The following SENP5 variants were observed in gnomAD, a reference collection of about 807,000 sequenced individuals.
SENP5 encodes SUMO specific peptidase 5.
In SENP5, 21 loss-of-function variants were observed where a neutral mutation model predicts 74.2. That is an observed-to-expected ratio of 0.28 (90% CI 0.20 to 0.41). The LOEUF (loss-of-function observed/expected upper bound fraction) is 0.41, where lower values mean the gene tolerates loss of function less well. Among genes scored for constraint, SENP5 ranks in the 10% least tolerant of loss-of-function variants. SENP5 has a pLI of 1.00. For missense variants in SENP5, 717 were observed against 889.1 expected (o/e 0.81, Z 2.46); for synonymous variants, 311 against 312.7 (o/e 0.99, Z 0.06).
chr3:196,877,696 G>C (rs1484145660), intron 1 of SENP5, among the ~76,000 whole-genome samples: 2 of 152,076 alleles, frequency 1.3e-5, no homozygotes, highest in Non-Finnish European at 2.9e-5. Flanking sequence ...AGTTTATAAG[G>C]TGTTTGACAA....
intron 1 of SENP5, among the ~76,000 whole-genome samples, chr3:196,869,759 CAAAAAAA>C (rs58745670): frequency 7.9e-5 from 3 of 37,982 alleles, no homozygotes; most frequent in African/African-American, 1.2e-4. Flanking sequence ...AACTCCGTCT[CAAAAAAA>C]AAAAAAAAAA....
chr3:196,907,221 C>G (rs1437432349), intron 6 of SENP5, among the ~76,000 whole-genome samples: 2 of 152,148 alleles, frequency 1.3e-5, no homozygotes, highest in East Asian at 3.9e-4. Flanking sequence ...CATCAGTAAT[C>G]CCAGCACTTT....
At chr3:196,900,471 T>C (rs1315371631) in intron 5 of SENP5, 59 bp downstream of exon 5, 15 of 1,389,186 alleles carry the variant, frequency 1.1e-5, no homozygotes, top group Non-Finnish European at 1.4e-5. Flanking sequence ...AAATGAGTAG[T>C]TTTTTTGTTT....
intron 6 of SENP5, among the ~76,000 whole-genome samples, chr3:196,922,897 G>A (rs550323161): frequency 1.6e-3 from 245 of 152,234 alleles, no homozygotes; most frequent in African/African-American, 5.7e-3. Flanking sequence ...GATTACAGGC[G>A]TGAGCCACTG....
chr3:196,918,122 C>T (rs58641481), intron 6 of SENP5, among the ~76,000 whole-genome samples: 6,028 of 151,148 alleles, frequency 0.04, 406 homozygotes, highest in African/African-American at 0.14. Context: ...CTGGCTAACA[C>T]GGTGAAACTC....
chr3:196,916,372 CA>C (rs1715376519), intron 6 of SENP5, among the ~76,000 whole-genome samples: 1 of 151,884 alleles, frequency 6.6e-6, no homozygotes, highest in South Asian at 2.1e-4. Flanking sequence ...ATGACTTCAC[CA>C]AACTAAAGGC....
chr3:196,885,516 T>G lies in SENP5; in HGVS notation c.335T>G (p.Leu112Arg), dbSNP rs763357858. 12 of 1,614,000 alleles carry G rather than the reference T, an allele frequency of 7.4e-6. No homozygotes were observed. In the East Asian group the frequency reaches 2.2e-4, roughly 30 times the overall value. Residue 112 changes from leucine (L) to arginine (R), a missense_variant, in exon 2 of 10, where the codon CTG (leucine) becomes CGG (arginine). Physicochemically the swap from Leu to Arg is moderately radical, Grantham distance 102 (BLOSUM62 -2). Around this residue, in one of 4 missense-constraint regions of SENP5, gnomAD observed 567 missense variants for 577.4 expected, o/e 0.98. Coordinates refer to ENST00000323460, the MANE Select transcript of SENP5 (RefSeq NM_152699.5). ...KHFISSSKTL[L>R]RLQAEKLLSS... ...TTCATTTCCTCCTCAAAGACTCTCC[T>G]GAGACTCCAAGCAGAGAAGCTGTTG...
At chr3:196,919,648 C>T (rs1282647016) in intron 6 of SENP5, among the ~76,000 whole-genome samples, 1 of 152,118 alleles carries the variant, frequency 6.6e-6, no homozygotes, top group Non-Finnish European at 1.5e-5. Context: ...ACAAAATTAG[C>T]TGGGTGTGGT....
intron 1 of SENP5, among the ~76,000 whole-genome samples, chr3:196,879,172 T>C (rs1713614541): frequency 6.6e-6 from 1 of 152,190 alleles, no homozygotes; most frequent in Non-Finnish European, 1.5e-5. Flanking sequence ...CCTGAATGTA[T>C]TACAGCAACC....
At position 196,910,944 on chromosome 3, in the gene SENP5, A is replaced by G. The variant is rs549326318; in HGVS notation, c.1884+7334A>G. Among the ~76,000 whole-genome samples, 27 of 152,338 alleles carry G rather than the reference A, an allele frequency of 1.8e-4. No individual in the cohort carries two copies. In the South Asian group the frequency reaches 5.2e-3, roughly 29 times the overall value. ...CACATACACAACCATCTCATCATTG[A>G]CAAACCCGACAAAAGCAATGGGGAA... On this transcript the variant is annotated intron_variant, in intron 6 of 9. Coordinates refer to ENST00000323460, the MANE Select transcript of SENP5 (RefSeq NM_152699.5).
intron 6 of SENP5, among the ~76,000 whole-genome samples, chr3:196,907,290 G>A (rs1371313480): frequency 2.6e-5 from 4 of 151,800 alleles, no homozygotes; most frequent in Admixed American, 1.3e-4. Context: ...TGGCTAACAC[G>A]GTGAAACCCC....
intron 2 of SENP5, among the ~76,000 whole-genome samples, chr3:196,892,978 G>A (rs953651588): frequency 1.3e-5 from 2 of 152,168 alleles, no homozygotes; most frequent in African/African-American, 4.8e-5. Flanking sequence ...CTTGGCTATT[G>A]TGGATAGTGC....
At chr3:196,870,243 C>T (rs1038661765) in intron 1 of SENP5, among the ~76,000 whole-genome samples, 3 of 152,180 alleles carry the variant, frequency 2.0e-5, no homozygotes, top group African/African-American at 4.8e-5. Flanking sequence ...CAGTGCTTTA[C>T]ATGTATTTTT....
At chr3:196,914,580 A>ATATATATAT (rs1346805512) in intron 6 of SENP5, 23 of 70,116 alleles carry the variant, frequency 3.3e-4, no homozygotes, top group African/African-American at 6.9e-4. Flanking sequence ...AAAAAAAAAA[A>ATATATATAT]AAAAAAATAT....
intron 7 of SENP5, among the ~76,000 whole-genome samples, chr3:196,925,167 G>T (rs919913701): frequency 1.4e-5 from 2 of 146,762 alleles, no homozygotes; most frequent in African/African-American, 2.5e-5. Context: ...CTCATTTTGC[G>T]TTTTTTTTTT....
At chr3:196,896,126 A>C (rs1256832274) in intron 2 of SENP5, among the ~76,000 whole-genome samples, 1 of 152,168 alleles carries the variant, frequency 6.6e-6, no homozygotes. Context: ...GTATATACCA[A>C]GTGCATTTTT....
intron 1 of SENP5, among the ~76,000 whole-genome samples, chr3:196,868,615 G>A (rs1431527222): frequency 6.6e-6 from 1 of 152,180 alleles, no homozygotes; most frequent in Non-Finnish European, 1.5e-5. Flanking sequence ...GGAGGGATGC[G>A]GAGAGGATGT....
rs1399258984 is a variant in SENP5, at chr3:196,932,574, CTG to C, written c.*1652_*1653del. ...ACTGTGTTTCAAGTCGTTAAAAAGA[CTG>C]AGAGTAGAGGCACTTTATGCTGCTA... is the stretch of plus-strand genomic sequence containing the variant. On this transcript the variant is annotated 3_prime_UTR_variant, in exon 10 of 10. Transcript: ENST00000323460. 1 of 152,064 alleles carries C rather than the reference CTG, an allele frequency of 6.6e-6. No individual in the cohort carries two copies. Among genetic ancestry groups the C allele is most frequent in the Non-Finnish European group, 1.5e-5 (1 of 68,022 alleles). The allele number at this position is 152,064 out of a possible 1,614,324, so 9.4% of individuals were successfully genotyped here.
At chr3:196,927,427 C>T (rs1182383346) in intron 7 of SENP5, among the ~76,000 whole-genome samples, 1 of 152,122 alleles carries the variant, frequency 6.6e-6, no homozygotes, top group Non-Finnish European at 1.5e-5. Flanking sequence ...ACCTTGAATA[C>T]AGAAGGTCTG....
Sources: gnomAD v4.1 joint callset for allele counts (sites outside exome capture counted in the v4.1 genomes callset) on GRCh38, gnomAD v4.1.1 for gene constraint, gnomAD v4.1.1 regional missense constraint, MANE v1.5 for transcripts, NCBI Gene and HGNC (gene_info 2026-07-23, HGNC 2026-07-21) for gene names.